Variants in PITPNM2 observed in about 807,000 individuals in gnomAD.
PITPNM2 encodes membrane-associated phosphatidylinositol transfer protein 2.
A neutral mutation model predicts 132.2 loss-of-function variants in PITPNM2; 35 were observed. The observed-to-expected ratio is 0.26, with a 90% CI of 0.20 to 0.35. The LOEUF is 0.35. Among genes scored for constraint, PITPNM2 ranks in the 10% least tolerant of loss-of-function variants. The probability of loss-of-function intolerance (pLI) is 1.00; values close to 1 mark genes in which losing one functional copy is unlikely to be tolerated. For synonymous variants in PITPNM2, 738 were observed against 799.2 expected, an observed-to-expected ratio of 0.92 and a Z score of 1.29; for missense variants, 1,332 against 1,912.0, an observed-to-expected ratio of 0.70 and a Z score of 5.66.
chr12:123,018,018 TCCTTCCTTCCTTCCTTCCTC>T (rs1420369862), intron 3 of PITPNM2, among the ~76,000 whole-genome samples: 5 of 140,382 alleles, frequency 3.6e-5, no homozygotes, highest in African/African-American at 1.4e-4. Context: ...CTTCCTTCCT[TCCTTCCTTCCTTCCTTCCTC>T]CCTCCCTCCC....
chr12:123,002,267 C>T (rs2038724721), intron 8 of PITPNM2, among the ~76,000 whole-genome samples: 1 of 152,108 alleles, frequency 6.6e-6, no homozygotes, highest in Non-Finnish European at 1.5e-5. Flanking sequence ...ATCTGGGAGG[C>T]AGAGATTGCA....
In PITPNM2 at chr12:122,985,826, CT is replaced by C; in HGVS notation, c.*200del. The C allele has an allele frequency of 2.1e-6, 1 of 472,486 alleles. No homozygotes were observed. The highest frequency in any genetic ancestry group is 3.5e-6 in the Non-Finnish European group (1 of 283,542). The allele number at this position is 472,486 out of a possible 1,614,324, so 29.3% of individuals were successfully genotyped here. A position where few individuals can be genotyped will look rare whatever the true frequency, so the allele number is the denominator to read the frequency against. ...TCCTGGGGCTGGTGGTCCCTGCCAG[CT>C]TCCATGACAAGCCGGACCCGTCAGG... is the stretch of plus-strand genomic sequence containing the variant. On this transcript the variant is annotated 3_prime_UTR_variant, in exon 26 of 26. Coordinates refer to ENST00000320201, the MANE Select transcript of PITPNM2 (RefSeq NM_020845.3).
intron 10 of PITPNM2, among the ~76,000 whole-genome samples, chr12:122,998,427 G>A (rs2038521400): frequency 6.6e-6 from 1 of 152,108 alleles, no homozygotes; most frequent in South Asian, 2.1e-4. Context: ...TCGGTGCCAG[G>A]CTGGATCAGA....
chr12:123,126,045 ATTT>A (rs1308789297), intron 1 of PITPNM2, among the ~76,000 whole-genome samples: 2 of 150,384 alleles, frequency 1.3e-5, no homozygotes, highest in African/African-American at 4.9e-5. Context: ...AATTTTTTGT[ATTT>A]TTAGTAGAGA....
At position 123,086,050 on chromosome 12, in the gene PITPNM2, G is replaced by A. The variant is rs534459564; in HGVS notation, c.-96+24335C>T. ...ACCCTTTTCCTGAAATGCACTTCCC[G>A]ATATTCCGTAACCTGCTTCCTACGT... On this transcript the variant is annotated intron_variant, in intron 2 of 25. Transcript: ENST00000320201. 7.9e-5 allele frequency among the ~76,000 whole-genome samples: 12 copies of A among 152,352 alleles called. No homozygotes were observed. The East Asian group carries it at 1.9e-3, about 24-fold the overall frequency.
At chr12:123,118,315 G>A (rs990713874) in intron 1 of PITPNM2, among the ~76,000 whole-genome samples, 4 of 152,170 alleles carry the variant, frequency 2.6e-5, no homozygotes, top group African/African-American at 7.2e-5. Flanking sequence ...ATGGGAACCT[G>A]CTCAAGCTCT....
intron 18 of PITPNM2, 144 bp from the exon 19 acceptor site, chr12:122,989,016 T>A: frequency 1.0e-6 from 1 of 981,152 alleles, no homozygotes; most frequent in Non-Finnish European, 1.4e-6. Flanking sequence ...CCAGGCTGGG[T>A]GAGTGAGGCA....
intron 2 of PITPNM2, among the ~76,000 whole-genome samples, chr12:123,048,098 C>T (rs1185102254): frequency 1.4e-5 from 1 of 73,502 alleles, no homozygotes; most frequent in East Asian, 4.2e-4. Flanking sequence ...GACTCCATCT[C>T]AAAAAAAAAA....
rs989024618 is a variant in PITPNM2, at chr12:123,122,810, C to T, written c.-199-12322G>A. On this transcript the variant is annotated intron_variant, in intron 1 of 25. Transcript: ENST00000320201. ...GAACTACCCTACAGCCTGCCCTTTG[C>T]GGTAGAAAAGGCTCTCACACAGAAG... Among the ~76,000 whole-genome samples the T allele has an allele frequency of 2.0e-5, 3 of 152,170 alleles. No homozygotes were observed. In the East Asian group the frequency reaches 5.8e-4, roughly 29 times the overall value.
In PITPNM2 at chr12:123,064,047, G is replaced by C. The variant is rs544999974; in HGVS notation, c.-95-29362C>G. 2.6e-5 allele frequency among the ~76,000 whole-genome samples: 4 copies of C among 152,256 alleles called. No individual in the cohort carries two copies. The highest frequency in any genetic ancestry group is 9.6e-5 in the African/African-American group (4 of 41,524). On this transcript the variant is annotated intron_variant, in intron 2 of 25. Transcript: ENST00000320201. This position sits in a 1 kb window ranked among gnomAD's most constrained non-coding sequence, Gnocchi z 4.0. ...GATGGTGATGGTGATGGTGATGCTGGGGATCAGCCCTGCTAAAGAACTGTG... is the reference window on the plus strand; with the variant it reads ...GATGGTGATGGTGATGGTGATGCTGCGGATCAGCCCTGCTAAAGAACTGTG...
At chr12:123,114,583 A>G (rs570749644) in intron 1 of PITPNM2, among the ~76,000 whole-genome samples, 2 of 151,732 alleles carry the variant, frequency 1.3e-5, no homozygotes, top group East Asian at 1.9e-4. Context: ...CATGTAGCCT[A>G]GAAGAGGCCA....
Position 123,095,421 on chromosome 12 carries a change from T to C in PITPNM2, c.-96+14964A>G, listed in dbSNP as rs1274436306. 6.6e-6 allele frequency among the ~76,000 whole-genome samples: 1 copy of C among 152,168 alleles called. No individual in the cohort carries two copies. On this transcript the variant is annotated intron_variant, in intron 2 of 25. Transcript: ENST00000320201. This position sits in a 1 kb window ranked among gnomAD's most constrained non-coding sequence, Gnocchi z 5.0. ...GGGCGTGCACCCACATGTGTACATCTCGATTTTACAGGCTCTGTTAAAGCG... is the reference window on the plus strand; with the variant it reads ...GGGCGTGCACCCACATGTGTACATCCCGATTTTACAGGCTCTGTTAAAGCG...
intron 2 of PITPNM2, among the ~76,000 whole-genome samples, chr12:123,053,501 G>A (rs2040926921): frequency 6.6e-6 from 1 of 150,650 alleles, no homozygotes; most frequent in South Asian, 2.1e-4. Flanking sequence ...ACATGTGGCT[G>A]TAAGCAATAA....
rs141930720 is a variant in PITPNM2, at chr12:123,022,191, C to T, written c.79-8149G>A. On this transcript the variant is annotated intron_variant, in intron 3 of 25. Transcript: ENST00000320201. The surrounding 1 kb of genome is among the most constrained non-coding windows in gnomAD (Gnocchi z 4.9). ...GGAGGGGCCAGGCAGCACGGCTCTC[C>T]GCTCAGCCTTTTTCTGGTCCTGGAT... Among the ~76,000 whole-genome samples, 240 of 152,266 alleles carry T rather than the reference C, an allele frequency of 1.6e-3. No homozygotes were observed. Among genetic ancestry groups the T allele is most frequent in the African/African-American group, 5.6e-3 (233 of 41,544 alleles).
intron 6 of PITPNM2, among the ~76,000 whole-genome samples, chr12:123,007,761 C>A (rs546238397): frequency 6.6e-6 from 1 of 152,258 alleles, no homozygotes; most frequent in Non-Finnish European, 1.5e-5. Flanking sequence ...CTTGCTCTAC[C>A]CTATATAGGG....
At chr12:123,049,016 C>G (rs1327743280) in intron 2 of PITPNM2, among the ~76,000 whole-genome samples, 6 of 152,122 alleles carry the variant, frequency 3.9e-5, no homozygotes, top group African/African-American at 1.4e-4. Flanking sequence ...TACCTGTAGT[C>G]CCAGCTACTC....
intron 2 of PITPNM2, among the ~76,000 whole-genome samples, chr12:123,061,804 C>A (rs964076676): frequency 6.6e-6 from 1 of 152,166 alleles, no homozygotes; most frequent in Non-Finnish European, 1.5e-5. Context: ...CAGCTGCCGA[C>A]AGAGTTTGGA....
intron 3 of PITPNM2, among the ~76,000 whole-genome samples, chr12:123,033,411 G>C (rs2040160729): frequency 6.6e-6 from 1 of 152,200 alleles, no homozygotes; most frequent in Non-Finnish European, 1.5e-5. Context: ...TCCCATCTGG[G>C]GTCAGCCAGA....
Position 122,992,644 on chromosome 12 carries a change from C to T in PITPNM2, c.2259G>A (p.Gln753=). 6.4e-7 allele frequency: 1 copy of T among 1,574,252 alleles called. No individual in the cohort carries two copies. Among genetic ancestry groups the T allele is most frequent in the Non-Finnish European group, 8.6e-7 (1 of 1,157,274 alleles). Reference sequence around the variant, plus strand: ...CGGGGTGGAAGAGGTTGTAGACTTGCTGGCAGGCCGGCCGCAGCTGGAAAA... The same window carrying T: ...CGGGGTGGAAGAGGTTGTAGACTTGTTGGCAGGCCGGCCGCAGCTGGAAAA... ...LDVFQLRPAC[Q]QVYNLFHPAD... Residue 753 remains glutamine (Q), a synonymous_variant, in exon 16 of 26, where the codon CAG becomes CAA. Coordinates refer to ENST00000320201, the MANE Select transcript of PITPNM2 (RefSeq NM_020845.3). This position sits in a 1 kb window ranked among gnomAD's most constrained non-coding sequence, Gnocchi z 6.5.
Sources: gnomAD v4.1 joint callset for allele counts (sites outside exome capture counted in the v4.1 genomes callset) on GRCh38, gnomAD v4.1.1 for gene constraint, Gnocchi (gnomAD v3.1) non-coding constraint, MANE v1.5 for transcripts, NCBI Gene and HGNC (gene_info 2026-07-23, HGNC 2026-07-21) for gene names.